CAD: variants seen among roughly 807,000 people sequenced by gnomAD.
The protein encoded by CAD is carbamoyl-phosphate synthetase 2, aspartate transcarbamylase, and dihydroorotase.
In CAD, 81 loss-of-function variants were observed where a neutral mutation model predicts 237.2. The observed-to-expected ratio is 0.34, with a 90% confidence interval of 0.29 to 0.41. CAD has a LOEUF of 0.41. Ranked by LOEUF, CAD falls within the 10% of genes least tolerant of loss-of-function variation. CAD has a pLI of 1.00. For missense variants in CAD, 2,181 were observed against 2,951.7 expected (o/e 0.74, Z 6.05); for synonymous variants, 1,196 against 1,162.8 (o/e 1.03, Z -0.58).
At chr2:27,222,115 G>A (rs1675200232) in intron 3 of CAD, 79 bp from the exon 4 acceptor site, 2 of 1,428,868 alleles carry the variant, frequency 1.4e-6, no homozygotes, top group Non-Finnish European at 1.9e-6. Context: ...GCTCTGGAAT[G>A]GAAGTGCTTC....
At chr2:27,231,945 C>T (rs777340655) in intron 16 of CAD, 35 bp from the exon 17 acceptor site, 1 of 1,612,604 alleles carries the variant, frequency 6.2e-7, no homozygotes, top group Non-Finnish European at 8.5e-7. Context: ...GATGGGCTGG[C>T]AGTAGCTTCC....
chr2:27,231,295 T>C (rs950057565), intron 15 of CAD, among the ~76,000 whole-genome samples, 173 bp from the exon 16 acceptor site: 1 of 152,206 alleles, frequency 6.6e-6, no homozygotes, highest in Non-Finnish European at 1.5e-5. Flanking sequence ...CGTGAGCCAC[T>C]GCGCCCGGCC....
intron 15 of CAD, among the ~76,000 whole-genome samples, chr2:27,230,469 G>A (rs1018642822): frequency 1.3e-5 from 2 of 151,688 alleles, no homozygotes; most frequent in Admixed American, 6.6e-5. Flanking sequence ...GTGAAATCCC[G>A]TCTCTAATTA....
intron 2 of CAD, among the ~76,000 whole-genome samples, chr2:27,219,836 A>T (rs566649308): frequency 8.0e-4 from 122 of 152,180 alleles, no homozygotes; most frequent in African/African-American, 2.9e-3. Flanking sequence ...TGATCTGCCC[A>T]CCTCGGCCTC....
At position 27,232,365 on chromosome 2, in the gene CAD, C is replaced by A; in HGVS notation, c.2646-83C>A. The A allele has an allele frequency of 6.3e-7, 1 of 1,586,414 alleles. No individual in the cohort carries two copies. Among genetic ancestry groups the A allele is most frequent in the Admixed American group, 1.7e-5 (1 of 58,708 alleles). On this transcript the variant is annotated intron_variant, in intron 17 of 43. Coordinates refer to ENST00000264705, the MANE Select transcript of CAD (RefSeq NM_004341.5). The surrounding 1 kb of genome is among the most constrained non-coding windows in gnomAD (Gnocchi z 4.1). Reference sequence around the variant, plus strand: ...CCTTGGTTCCAAGGATATTTCCTCTCATCTGTGCCCTGGGGTCTCAACCCT... The same window carrying A: ...CCTTGGTTCCAAGGATATTTCCTCTAATCTGTGCCCTGGGGTCTCAACCCT...
In CAD at chr2:27,237,346, TC is replaced by T. The variant is rs1472144669; in HGVS notation, c.4397-31del. 2 of 1,609,906 alleles carry T rather than the reference TC, an allele frequency of 1.2e-6. No individual in the cohort carries two copies. Among genetic ancestry groups the T allele is most frequent in the Non-Finnish European group, 8.5e-7 (1 of 1,176,864 alleles). On this transcript the variant is annotated intron_variant, in intron 27 of 43. Coordinates refer to ENST00000264705, the MANE Select transcript of CAD (RefSeq NM_004341.5). This position sits in a 1 kb window ranked among gnomAD's most constrained non-coding sequence, Gnocchi z 4.0. ...GCTCACCCTTCCTATTTCTGAATCTTCCTGTAATCTTGCTGCTTCCATTTTC... is the reference window on the plus strand; with the variant it reads ...GCTCACCCTTCCTATTTCTGAATCTTCTGTAATCTTGCTGCTTCCATTTTC...
In CAD at chr2:27,217,419, C is replaced by A; in HGVS notation, c.-133C>A. The A allele has an allele frequency of 3.8e-6, 3 of 792,698 alleles. No individual in the cohort carries two copies. Among genetic ancestry groups the A allele is most frequent in the Non-Finnish European group, 6.4e-6 (3 of 468,948 alleles). 49.1% of individuals were successfully genotyped at this position (792,698 alleles called of 1,614,324 possible). ...GCCCGAGGCTCCTACGCTGCCGCGC[C>A]CGGCTTCTCTCCAGCGCCCCGCGCC... is the stretch of plus-strand genomic sequence containing the variant. On this transcript the variant is annotated 5_prime_UTR_variant, in exon 1 of 44. Coordinates refer to ENST00000264705, the MANE Select transcript of CAD (RefSeq NM_004341.5).
intron 3 of CAD, 64 bp from the exon 4 acceptor site, chr2:27,222,130 A>G: frequency 6.5e-7 from 1 of 1,533,338 alleles, no homozygotes; most frequent in African/African-American, 1.4e-5. Context: ...TGCTTCTGGA[A>G]GTCTAACCTC....
chr2:27,225,822 C>A lies in CAD; in HGVS notation c.1738C>A (p.Pro580Thr). Residue 580 changes from proline (P) to threonine (T), a missense_variant, in exon 12 of 44, where the codon CCA becomes ACA. Physicochemically the swap from Pro to Thr is conservative, Grantham distance 38. Coordinates refer to ENST00000264705, the MANE Select transcript of CAD (RefSeq NM_004341.5). ...NREELSALVA[P>T]AFAHTSQVLV... ...GGAGGAGCTCTCTGCTCTCGTGGCC[C>A]CAGCTTTTGCCCATACCAGCCAAGT... The A allele has an allele frequency of 6.2e-7, 1 of 1,614,204 alleles. No homozygotes were observed. The highest frequency in any genetic ancestry group is 8.5e-7 in the Non-Finnish European group (1 of 1,180,034).
At position 27,218,023 on chromosome 2, in the gene CAD, A is replaced by G; in HGVS notation, c.222+7A>G. 1 of 1,590,194 alleles carries G rather than the reference A, an allele frequency of 6.3e-7. No homozygotes were observed. The highest frequency in any genetic ancestry group is 1.4e-5 in the African/African-American group (1 of 73,790). Reference sequence around the variant, plus strand: ...TGAGTTCGGTCTCTGCAAGGTAGCCACACCCAGTGCTTTCTCTACATTCCT... The same window carrying G: ...TGAGTTCGGTCTCTGCAAGGTAGCCGCACCCAGTGCTTTCTCTACATTCCT... On this transcript the variant is annotated splice_region_variant and intron_variant, in intron 2 of 43. Transcript: ENST00000264705.
chr2:27,227,211 C>T (rs961489877), intron 15 of CAD, among the ~76,000 whole-genome samples: 1 of 152,194 alleles, frequency 6.6e-6, no homozygotes, highest in African/African-American at 2.4e-5. Context: ...CCTCCTCTGG[C>T]ACTTTGTGCT....
In CAD at chr2:27,241,054, G is replaced by A. The variant is rs780318171; in HGVS notation, c.5639-4G>A. ...AGCCTTTTCTGCCCCATCCCTCACTGCAGAGCTGATGGGAACCCCTGATGG... is the reference window on the plus strand; with the variant it reads ...AGCCTTTTCTGCCCCATCCCTCACTACAGAGCTGATGGGAACCCCTGATGG... On this transcript the variant is annotated splice_polypyrimidine_tract_variant and splice_region_variant and intron_variant, in intron 36 of 43. Coordinates refer to ENST00000264705, the MANE Select transcript of CAD (RefSeq NM_004341.5). The surrounding 1 kb of genome is among the most constrained non-coding windows in gnomAD (Gnocchi z 4.6). The A allele has an allele frequency of 6.2e-7, 1 of 1,612,070 alleles. No individual in the cohort carries two copies. Among genetic ancestry groups the A allele is most frequent in the Non-Finnish European group, 8.5e-7 (1 of 1,178,840 alleles).
In CAD at chr2:27,238,048, G is replaced by A. The variant is rs776365091; in HGVS notation, c.4729-8G>A. 7 of 1,613,920 alleles carry A rather than the reference G, an allele frequency of 4.3e-6. No homozygotes were observed. Among genetic ancestry groups the A allele is most frequent in the Non-Finnish European group, 5.1e-6 (6 of 1,179,960 alleles). On this transcript the variant is annotated splice_region_variant and splice_polypyrimidine_tract_variant and intron_variant, in intron 29 of 43. Coordinates refer to ENST00000264705, the MANE Select transcript of CAD (RefSeq NM_004341.5). ...GCACACTCCTTCATCAGTTCTTTCT[G>A]CTCCCAGCATTTCGAGACATGGCCC...
chr2:27,224,147 G>C (rs1675318055), intron 8 of CAD, 118 bp downstream of exon 8: 1 of 927,322 alleles, frequency 1.1e-6, no homozygotes, highest in African/African-American at 1.6e-5. Flanking sequence ...GGGTATTGGG[G>C]ATGGGTGGCA....
chr2:27,242,592 C>G lies in CAD; in HGVS notation c.6223-28C>G. 1 of 1,577,186 alleles carries G rather than the reference C, an allele frequency of 6.3e-7. No individual in the cohort carries two copies. Among genetic ancestry groups the G allele is most frequent in the Non-Finnish European group, 8.6e-7 (1 of 1,157,528 alleles). ...TGTCGGGGGGCACTCAGTCTGGGAT[C>G]CCTGTGGTGACTGGATTCCTCTCCT... On this transcript the variant is annotated intron_variant, in intron 40 of 43. Transcript: ENST00000264705. The surrounding 1 kb of genome is among the most constrained non-coding windows in gnomAD (Gnocchi z 6.4).
Position 27,233,794 on chromosome 2 carries a change from A to C in CAD, c.3385A>C (p.Ile1129Leu). Residue 1129 changes from isoleucine (I) to leucine (L), a missense_variant, in exon 21 of 44, where the codon ATC becomes CTC. By Grantham distance (5) the Ile-to-Leu change is conservative. This residue lies in a region of CAD where 306 missense variants were observed against 607.9 expected (regional missense o/e 0.50). Transcript: ENST00000264705. The surrounding 1 kb of genome is among the most constrained non-coding windows in gnomAD (Gnocchi z 6.3). ...KEHPVVISKF[I>L]QEAKEIDVDA... ...GCATCCCGTGGTCATCTCCAAGTTC[A>C]TCCAGGAGGCTAAGGTGGGAGGCTG... 1 of 1,613,922 alleles carries C rather than the reference A, an allele frequency of 6.2e-7. No individual in the cohort carries two copies.
chr2:27,241,953 A>C lies in CAD; in HGVS notation c.5926A>C (p.Thr1976Pro), dbSNP rs777605360. ...CATGTTCTATGAAGTGAGCACACGGACCAGCAGCTCCTTTGCAGCAGCCAT... is the reference window on the plus strand; with the variant it reads ...CATGTTCTATGAAGTGAGCACACGGCCCAGCAGCTCCTTTGCAGCAGCCAT... ...ASMFYEVSTR[T>P]SSSFAAAMAR... The change falls in exon 39 of 44, where the codon ACC becomes CCC. Residue 1976 changes from threonine (T) to proline (P), a missense_variant. Thr to Pro is a conservative substitution (Grantham distance 38). Around this residue, in one of 12 missense-constraint regions of CAD, gnomAD observed 203 missense variants for 284.5 expected, o/e 0.71. Transcript: ENST00000264705. The surrounding 1 kb of genome is among the most constrained non-coding windows in gnomAD (Gnocchi z 4.6). 1 of 1,613,710 alleles carries C rather than the reference A, an allele frequency of 6.2e-7. No homozygotes were observed. The highest frequency in any genetic ancestry group is 1.1e-5 in the South Asian group (1 of 91,074).
chr2:27,242,324 G>A lies in CAD; in HGVS notation c.6119G>A (p.Arg2040Lys), dbSNP rs1676362650. The A allele has an allele frequency of 1.2e-6, 2 of 1,613,164 alleles. No homozygotes were observed. The highest frequency in any genetic ancestry group is 1.3e-5 in the African/African-American group (1 of 74,926). ...AVELAAKHCR[R>K]PVINAGDGVG... ...CAGCTGGCCGCCAAGCACTGCCGGA[G>A]GCCAGTGATCAATGCTGGGGATGGG... The change falls in exon 40 of 44, where the codon AGG becomes AAG. Residue 2040 changes from arginine (R) to lysine (K), a missense_variant. Transcript: ENST00000264705. The surrounding 1 kb of genome is among the most constrained non-coding windows in gnomAD (Gnocchi z 6.4).
In CAD at chr2:27,232,436, T is replaced by C; in HGVS notation, c.2646-12T>C. On this transcript the variant is annotated splice_polypyrimidine_tract_variant and intron_variant, in intron 17 of 43. Transcript: ENST00000264705. This position sits in a 1 kb window ranked among gnomAD's most constrained non-coding sequence, Gnocchi z 4.1. ...CTCTGGGCCTGTGTTTCAGACCCTTTTTCTATTTTAGCACAGAGCTGGCTG... is the reference window on the plus strand; with the variant it reads ...CTCTGGGCCTGTGTTTCAGACCCTTCTTCTATTTTAGCACAGAGCTGGCTG... 1.2e-6 allele frequency: 2 copies of C among 1,614,104 alleles called. No individual in the cohort carries two copies. Among genetic ancestry groups the C allele is most frequent in the Non-Finnish European group, 8.5e-7 (1 of 1,180,016 alleles).
Sources: gnomAD v4.1 joint callset for allele counts (sites outside exome capture counted in the v4.1 genomes callset) on GRCh38, gnomAD v4.1.1 for gene constraint, gnomAD v4.1.1 regional missense constraint, Gnocchi (gnomAD v3.1) non-coding constraint, MANE v1.5 for transcripts, NCBI Gene and HGNC (gene_info 2026-07-23, HGNC 2026-07-21) for gene names.